GMNC: variants seen among roughly 807,000 people sequenced by gnomAD.
GMNC encodes the protein geminin coiled-coil domain-containing protein 1.
In GMNC, 16 loss-of-function variants were observed where a neutral mutation model predicts 33.6. That is an observed-to-expected ratio of 0.48 (90% CI 0.32 to 0.72). GMNC has a LOEUF of 0.72. GMNC is among the 30% of genes least tolerant of loss of function. The pLI, the probability that GMNC is intolerant of heterozygous loss-of-function variation, is 0.03. For missense variants in GMNC, 393 were observed against 388.9 expected (o/e 1.01, Z -0.09); for synonymous variants, 156 against 147.3 (o/e 1.06, Z -0.43).
Position 190,855,572 on chromosome 3 carries a change from A to G in GMNC, c.728T>C (p.Ile243Thr), listed in dbSNP as rs1421727239. 8.4e-6 allele frequency: 13 copies of G among 1,551,418 alleles called. No homozygotes were observed. In the East Asian group the frequency reaches 2.7e-4, roughly 32 times the overall value. The change falls in exon 5 of 5, where the codon ATT becomes ACT. Residue 243 changes from isoleucine to threonine, a missense_variant. Coordinates refer to ENST00000442080, the MANE Select transcript of GMNC (RefSeq NM_001146686.3). ...GGTTGTTCTGTCACCTCTATAGTCA[A>G]TTGGCATATCCTCTCTGGGGATATT... ...YKNIPREDMPIDYRGDRTTPL... is the reference protein window; with the variant it reads ...YKNIPREDMPTDYRGDRTTPL...
At chr3:190,860,496 A>G (rs1737836682) in intron 2 of GMNC, among the ~76,000 whole-genome samples, 188 bp downstream of exon 2, 1 of 152,232 alleles carries the variant, frequency 6.6e-6, no homozygotes, top group Non-Finnish European at 1.5e-5. Flanking sequence ...CAAGGTAAAG[A>G]ATCCCATTTT....
chr3:190,858,075 G>C (rs2108532214), intron 3 of GMNC, 176 bp from the exon 4 acceptor site: 3 of 590,796 alleles, frequency 5.1e-6, no homozygotes, highest in Middle Eastern at 7.4e-4. Flanking sequence ...CTAATGCCTA[G>C]TTGTTCAGCT....
chr3:190,861,655 G>A lies in GMNC; in HGVS notation c.4-797C>T, dbSNP rs1201144223. On this transcript the variant is annotated intron_variant, in intron 1 of 4. Coordinates refer to ENST00000442080, the MANE Select transcript of GMNC (RefSeq NM_001146686.3). This position sits in a 1 kb window ranked among gnomAD's most constrained non-coding sequence, Gnocchi z 5.1. Reference sequence around the variant, plus strand: ...TAGTTCTGTCCATCACTAGGGCTCAGTGCCCCTCCAAAGTTATCTTGCCAT... The same window carrying A: ...TAGTTCTGTCCATCACTAGGGCTCAATGCCCCTCCAAAGTTATCTTGCCAT... Among the ~76,000 whole-genome samples the A allele has an allele frequency of 6.6e-6, 1 of 152,176 alleles. No homozygotes were observed. The highest frequency in any genetic ancestry group is 1.5e-5 in the Non-Finnish European group (1 of 68,028).
chr3:190,847,432 A>G, the GMNC span, among the ~76,000 whole-genome samples: 5 of 152,192 alleles, frequency 3.3e-5, no homozygotes, highest in Admixed American at 3.3e-4. Flanking sequence ...TGTCTAATCT[A>G]CAGCCTCTTG....
chr3:190,845,508 C>CTTTTTTTTTTTTTTT, the GMNC span, among the ~76,000 whole-genome samples: 2 of 125,800 alleles, frequency 1.6e-5, no homozygotes, highest in African/African-American at 6.3e-5. Flanking sequence ...ATTTTGAAAC[C>CTTTTTTTTTTTTTTT]TTTTTTTTTT....
At chr3:190,856,527 A>G (rs1333545207) in intron 4 of GMNC, among the ~76,000 whole-genome samples, 1 of 144,954 alleles carries the variant, frequency 6.9e-6, no homozygotes, top group Non-Finnish European at 1.5e-5. Flanking sequence ...TATCTTTATC[A>G]TTTATAAATG....
intron 2 of GMNC, 58 bp downstream of exon 2, chr3:190,860,626 G>A: frequency 7.0e-7 from 1 of 1,434,536 alleles, no homozygotes; most frequent in Non-Finnish European, 9.4e-7. Context: ...ATGCTCCGCA[G>A]CCACGGGTAT....
intron 2 of GMNC, chr3:190,859,683 T>C (rs945663958): frequency 3.0e-5 from 9 of 296,616 alleles, no homozygotes; most frequent in Non-Finnish European, 6.1e-5. Context: ...AAGTGCCTTT[T>C]CCCCCCATAT....
At chr3:190,844,398 C>A in the GMNC span, among the ~76,000 whole-genome samples, 1 of 151,426 alleles carries the variant, frequency 6.6e-6, no homozygotes. Flanking sequence ...AAAATTAAAT[C>A]ATTTTATACA....
chr3:190,846,068 A>G, the GMNC span, among the ~76,000 whole-genome samples: 3 of 152,202 alleles, frequency 2.0e-5, no homozygotes, highest in East Asian at 5.8e-4. Flanking sequence ...CCCTTACCAA[A>G]AATACACAAA....
downstream of GMNC, among the ~76,000 whole-genome samples, chr3:190,848,512 A>G (rs1054254080): frequency 6.6e-6 from 1 of 152,228 alleles, no homozygotes; most frequent in African/African-American, 2.4e-5. Context: ...AGTGCCTAAA[A>G]CATAAAATTT....
intron 2 of GMNC, among the ~76,000 whole-genome samples, chr3:190,860,066 G>C (rs1737828170): frequency 6.6e-6 from 1 of 151,988 alleles, no homozygotes; most frequent in Admixed American, 6.6e-5. Context: ...TTAATTCTGG[G>C]GTGTCTGAGA....
chr3:190,862,671 C>G lies in GMNC; in HGVS notation c.-56G>C. 1 of 1,551,696 alleles carries G rather than the reference C, an allele frequency of 6.4e-7. No homozygotes were observed. The highest frequency in any genetic ancestry group is 8.7e-7 in the Non-Finnish European group (1 of 1,146,708). On this transcript the variant is annotated 5_prime_UTR_variant, in exon 1 of 5. Transcript: ENST00000442080. The surrounding 1 kb of genome is among the most constrained non-coding windows in gnomAD (Gnocchi z 4.5). ...GAGCCCACTCAATTTTTCAGTAAAA[C>G]CAGTGGGAGCTTTAAATGAGACTGA...
chr3:190,846,758 C>A, the GMNC span, among the ~76,000 whole-genome samples: 1 of 152,152 alleles, frequency 6.6e-6, no homozygotes, highest in Non-Finnish European at 1.5e-5. Flanking sequence ...ATTGGGAGAC[C>A]TCTATTCACT....
chr3:190,855,436 G>T lies in GMNC; in HGVS notation c.864C>A (p.Pro288=). Residue 288 remains proline (P), a synonymous_variant, in exon 5 of 5, where the codon CCC becomes CCA. Transcript: ENST00000442080. ...TGGAAAATGCCATCTCTGTCTTGTT[G>T]GGTGACACATGAGCAGTATAGTAAG... is the stretch of plus-strand genomic sequence containing the variant. The part of the protein sequence containing the change: ...TLPYYTAHVS[P]NKTEMAFSTS... 2 of 1,551,992 alleles carry T rather than the reference G, an allele frequency of 1.3e-6. No individual in the cohort carries two copies. Among genetic ancestry groups the T allele is most frequent in the East Asian group, 2.4e-5 (1 of 40,920 alleles).
At chr3:190,857,322 T>C (rs1737767852) in intron 4 of GMNC, among the ~76,000 whole-genome samples, 1 of 151,952 alleles carries the variant, frequency 6.6e-6, no homozygotes, top group Admixed American at 6.6e-5. Context: ...TCAGGCAATA[T>C]TCACAGCATT....
At chr3:190,851,453 A>T (rs1179090761), downstream of GMNC, among the ~76,000 whole-genome samples, 1 of 152,220 alleles carries the variant, frequency 6.6e-6, no homozygotes, top group East Asian at 1.9e-4. Flanking sequence ...GAGCACATAG[A>T]TCCAACTATA....
Position 190,862,012 on chromosome 3 carries a change from C to T in GMNC, c.3+601G>A, listed in dbSNP as rs1012535404. 7.2e-5 allele frequency among the ~76,000 whole-genome samples: 11 copies of T among 151,930 alleles called. No homozygotes were observed. Among genetic ancestry groups the T allele is most frequent in the African/African-American group, 2.4e-4 (10 of 41,372 alleles). ...TTCAATCGCACTTTGTTAATGTTCTCGGTAAATTAAGTTTTGAAAAATTCC... is the reference window on the plus strand; with the variant it reads ...TTCAATCGCACTTTGTTAATGTTCTTGGTAAATTAAGTTTTGAAAAATTCC... On this transcript the variant is annotated intron_variant, in intron 1 of 4. Transcript: ENST00000442080. The surrounding 1 kb of genome is among the most constrained non-coding windows in gnomAD (Gnocchi z 4.5).
rs555418347 is a variant in GMNC, at chr3:190,855,738, A to C, written c.562T>G (p.Trp188Gly). 55 of 1,551,414 alleles carry C rather than the reference A, an allele frequency of 3.5e-5. No individual in the cohort carries two copies. Among genetic ancestry groups the C allele is most frequent in the Non-Finnish European group, 4.3e-5 (49 of 1,146,866 alleles). ...TTTAACCCAAGTGTTTGAAGGACCC[A>C]GGGATCCACAGGGGGCCCAGCTTGT... ...EEQAGPPVDP[W>G]VLQTLGLKDL... is the part of the protein sequence containing the mutation. The change falls in exon 5 of 5, where the codon TGG becomes GGG. Residue 188 changes from tryptophan to glycine, a missense_variant. Physicochemically the swap from Trp to Gly is radical, Grantham distance 184. Transcript: ENST00000442080.
Sources: gnomAD v4.1 joint callset for allele counts (sites outside exome capture counted in the v4.1 genomes callset) on GRCh38, gnomAD v4.1.1 for gene constraint, Gnocchi (gnomAD v3.1) non-coding constraint, MANE v1.5 for transcripts, NCBI Gene and HGNC (gene_info 2026-07-23, HGNC 2026-07-21) for gene names.